The following SLC9A2 variants were observed in gnomAD, a reference collection of about 807,000 sequenced individuals.
The protein encoded by SLC9A2 is solute carrier family 9 member A2.
Under a neutral mutation model 71.7 loss-of-function variants are expected in SLC9A2, and 42 were observed. The observed-to-expected ratio is 0.59, with a 90% CI of 0.46 to 0.76. The LOEUF (loss-of-function observed/expected upper bound fraction) is 0.76. Ranked by LOEUF, SLC9A2 falls within the 30% of genes least tolerant of loss-of-function variation. The pLI, the probability that SLC9A2 is intolerant of heterozygous loss-of-function variation, is 0.00. For missense variants in SLC9A2, 829 were observed against 1,017.4 expected, an observed-to-expected ratio of 0.81 and a Z score of 2.52; for synonymous variants, 396 against 392.5, an observed-to-expected ratio of 1.01 and a Z score of -0.10.
chr2:102,629,859 C>T (rs6543172), intron 1 of SLC9A2, among the ~76,000 whole-genome samples: 12,598 of 151,956 alleles, frequency 0.083, 1,632 homozygotes, highest in African/African-American at 0.28. Context: ...ACTCGCAGGG[C>T]TCAGTAGTCC....
intron 3 of SLC9A2, among the ~76,000 whole-genome samples, chr2:102,666,437 T>C (rs116695400): frequency 0.016 from 2,429 of 152,164 alleles, 71 homozygotes; most frequent in African/African-American, 0.054. Context: ...GACCACGCGA[T>C]CCACCCCCCT....
At chr2:102,676,508 A>T (rs896161074) in intron 3 of SLC9A2, among the ~76,000 whole-genome samples, 1 of 152,244 alleles carries the variant, frequency 6.6e-6, no homozygotes, top group Admixed American at 6.5e-5. Context: ...ACAAGTCTTC[A>T]TGATTAATCC....
rs1423519637 is a variant in SLC9A2 at position 102,684,160 on chromosome 2, A to C, written c.1249A>C (p.Asn417His). Residue 417 changes from asparagine to histidine, a missense_variant, in exon 5 of 12, where the codon AAT (asparagine) becomes CAT (histidine). Around this residue, in one of 3 missense-constraint regions of SLC9A2, gnomAD observed 500 missense variants for 726.3 expected, o/e 0.69. Coordinates refer to ENST00000233969, the MANE Select transcript of SLC9A2 (RefSeq NM_003048.6). ...LGVFVLTQVI[N>H]RFRTIPLTFK... is the part of the protein sequence containing the mutation. ...TGTTTTTGTCCTGACTCAGGTCATT[A>C]ATAGGTTCCGGACCATTCCCCTGAC... 1 of 1,614,026 alleles carries C rather than the reference A, an allele frequency of 6.2e-7. No individual in the cohort carries two copies.
At chr2:102,680,295 C>G (rs1677428496) in intron 3 of SLC9A2, among the ~76,000 whole-genome samples, 1 of 151,830 alleles carries the variant, frequency 6.6e-6, no homozygotes, top group Non-Finnish European at 1.5e-5. Flanking sequence ...ATCTATTGCC[C>G]TTGATACTTT....
intron 1 of SLC9A2, among the ~76,000 whole-genome samples, chr2:102,624,121 A>G (rs1213820763): frequency 2.0e-5 from 3 of 152,172 alleles, no homozygotes; most frequent in African/African-American, 7.2e-5. Context: ...CAATGATGAT[A>G]ATGATGGTGA....
rs768383724 is a variant in SLC9A2, at chr2:102,683,486, G to C, written c.1222+8G>C. On this transcript the variant is annotated splice_region_variant and intron_variant, in intron 4 of 11. Transcript: ENST00000233969. ...TCATGTGGCGAGCCCTGGGTAATGA[G>C]TGCTTGTTTGCTAACTGGACATATG... is the stretch of plus-strand genomic sequence containing the variant. The C allele has an allele frequency of 6.2e-7, 1 of 1,609,538 alleles. No individual in the cohort carries two copies. The highest frequency in any genetic ancestry group is 2.2e-5 in the East Asian group (1 of 44,862).
At chr2:102,698,296 G>A (rs1203442220) in intron 7 of SLC9A2, among the ~76,000 whole-genome samples, 1 of 152,124 alleles carries the variant, frequency 6.6e-6, no homozygotes, top group Admixed American at 6.5e-5. Context: ...CTAGTATTTA[G>A]AACAAAGGAC....
chr2:102,664,445 G>GCACACA (rs58155284), intron 2 of SLC9A2, among the ~76,000 whole-genome samples: 1,975 of 147,936 alleles, frequency 0.013, 23 homozygotes, highest in East Asian at 0.049. Flanking sequence ...TTCAGCAGAT[G>GCACACA]CACACACACA....
intron 2 of SLC9A2, among the ~76,000 whole-genome samples, chr2:102,664,042 G>A (rs756167778): frequency 1.3e-5 from 2 of 152,118 alleles, no homozygotes; most frequent in East Asian, 3.9e-4. Context: ...TTGGGAGGCC[G>A]AGGTGGGTGG....
At chr2:102,628,766 C>G (rs1413095103) in intron 1 of SLC9A2, among the ~76,000 whole-genome samples, 2 of 152,222 alleles carry the variant, frequency 1.3e-5, no homozygotes, top group East Asian at 3.9e-4. Flanking sequence ...CTTGGCCGCT[C>G]TCAAACTCCT....
intron 2 of SLC9A2, among the ~76,000 whole-genome samples, chr2:102,660,406 A>C (rs1190586090): frequency 6.6e-6 from 1 of 152,212 alleles, no homozygotes; most frequent in South Asian, 2.1e-4. Flanking sequence ...CTGAGAGTCC[A>C]TGGACTCTCA....
At chr2:102,670,596 C>G (rs112739640) in intron 3 of SLC9A2, among the ~76,000 whole-genome samples, 8 of 117,138 alleles carry the variant, frequency 6.8e-5, no homozygotes, top group African/African-American at 2.4e-4. Flanking sequence ...CCCCTCCCCC[C>G]ACCAAAAAAA....
At chr2:102,620,705 G>A (rs1015349968) in intron 1 of SLC9A2, among the ~76,000 whole-genome samples, 1 of 152,210 alleles carries the variant, frequency 6.6e-6, no homozygotes, top group African/African-American at 2.4e-5. Flanking sequence ...CTTTTGCTTC[G>A]GGGTGGCTGA....
intron 8 of SLC9A2, 124 bp from the exon 9 acceptor site, chr2:102,702,282 A>G (rs758843359): frequency 1.7e-5 from 10 of 579,418 alleles, no homozygotes; most frequent in Non-Finnish European, 2.7e-5. Flanking sequence ...AAGTTATTGA[A>G]TAATCCCTAA....
At chr2:102,695,398 C>T (rs973503834) in intron 7 of SLC9A2, among the ~76,000 whole-genome samples, 7 of 152,094 alleles carry the variant, frequency 4.6e-5, no homozygotes, top group Non-Finnish European at 7.3e-5. Flanking sequence ...TCTGTCTAGT[C>T]GATCCACTAA....
At chr2:102,705,727 G>C (rs1432333350) in intron 10 of SLC9A2, 119 bp from the exon 11 acceptor site, 10 of 555,370 alleles carry the variant, frequency 1.8e-5, no homozygotes, top group African/African-American at 3.9e-5. Flanking sequence ...AAGTAATTTT[G>C]GAATCAGAAA....
chr2:102,624,754 C>T (rs529469786), intron 1 of SLC9A2, among the ~76,000 whole-genome samples: 1 of 152,136 alleles, frequency 6.6e-6, no homozygotes, highest in Non-Finnish European at 1.5e-5. Context: ...TTTTCCACCT[C>T]CCTCCATCCT....
intron 1 of SLC9A2, among the ~76,000 whole-genome samples, chr2:102,638,628 G>T (rs1676515861): frequency 6.6e-6 from 1 of 152,196 alleles, no homozygotes; most frequent in African/African-American, 2.4e-5. Flanking sequence ...TGTTCCTTAT[G>T]CTCACTAAAG....
rs781109121 is a variant in SLC9A2, at chr2:102,708,389, G to A, written c.2339G>A (p.Ser780Asn). ...KDQSGSERED[S>N]LTEGIPPKPP... is the part of the protein sequence containing the mutation. ...CAGTCTGGCTCAGAGAGGGAAGACAGTTTGACTGAAGGCATCCCGCCCAAG... is the reference window on the plus strand; with the variant it reads ...CAGTCTGGCTCAGAGAGGGAAGACAATTTGACTGAAGGCATCCCGCCCAAG... Residue 780 changes from serine (S) to asparagine (N), a missense_variant, in exon 12 of 12, where the codon AGT (serine) becomes AAT (asparagine). This residue lies in a region of SLC9A2 where 223 missense variants were observed against 197.5 expected (regional missense o/e 1.13). Coordinates refer to ENST00000233969, the MANE Select transcript of SLC9A2 (RefSeq NM_003048.6). 18 of 1,614,122 alleles carry A rather than the reference G, an allele frequency of 1.1e-5. No homozygotes were observed. Among genetic ancestry groups the A allele is most frequent in the Non-Finnish European group, 1.5e-5 (18 of 1,180,054 alleles).
Sources: allele counts gnomAD v4.1 joint callset (sites outside exome capture counted in the v4.1 genomes callset), GRCh38; gene constraint gnomAD v4.1.1; regional missense constraint gnomAD v4.1.1; transcripts MANE v1.5; gene names NCBI Gene and HGNC (gene_info 2026-07-23, HGNC 2026-07-21).